The following METAP1 variants were observed in gnomAD, a reference collection of about 807,000 sequenced individuals.
The protein encoded by METAP1 is methionyl aminopeptidase 1.
A neutral mutation model predicts 53.8 loss-of-function variants in METAP1; 28 were observed. The observed-to-expected ratio is 0.52, with a 90% CI of 0.39 to 0.71. The LOEUF is 0.71. Ranked by LOEUF, METAP1 falls within the 30% of genes least tolerant of loss-of-function variation. METAP1 has a pLI of 0.00. For synonymous variants in METAP1, 181 were observed against 165.7 expected (o/e 1.09, Z -0.71); for missense variants, 389 against 479.8 (o/e 0.81, Z 1.77).
At chr4:98,995,898 C>T (rs1250183980) in intron 1 of METAP1, 31 bp downstream of exon 1, 5 of 1,495,152 alleles carry the variant, frequency 3.3e-6, no homozygotes, top group East Asian at 2.5e-5. Flanking sequence ...GGATATGCCG[C>T]CGCTGCGGGA....
At chr4:99,045,795 T>C (rs1464801784) in intron 8 of METAP1, among the ~76,000 whole-genome samples, 1 of 152,214 alleles carries the variant, frequency 6.6e-6, no homozygotes, top group Admixed American at 6.5e-5. Context: ...CACGTATGTG[T>C]ATGTGTTAAA....
intron 7 of METAP1, among the ~76,000 whole-genome samples, chr4:99,044,656 G>T (rs2110381559): frequency 6.6e-6 from 1 of 151,656 alleles, no homozygotes; most frequent in East Asian, 1.9e-4. Flanking sequence ...ATAATATATA[G>T]TATAATAGTA....
intron 1 of METAP1, among the ~76,000 whole-genome samples, chr4:99,006,752 T>C (rs1183153862): frequency 6.6e-6 from 1 of 152,170 alleles, no homozygotes; most frequent in Admixed American, 6.5e-5. Flanking sequence ...AGCTCACATA[T>C]AGCATTTGGC....
At chr4:99,058,865 A>G (rs1727334820) in intron 10 of METAP1, among the ~76,000 whole-genome samples, 2 of 152,214 alleles carry the variant, frequency 1.3e-5, no homozygotes, top group East Asian at 1.9e-4. Context: ...TAGAATCTCT[A>G]TCTTGCCAAC....
At chr4:99,032,002 C>A (rs1247281781) in intron 2 of METAP1, among the ~76,000 whole-genome samples, 1 of 152,174 alleles carries the variant, frequency 6.6e-6, no homozygotes, top group Non-Finnish European at 1.5e-5. Flanking sequence ...CTACCATCAT[C>A]AGCTCAATTC....
At chr4:99,046,212 G>A (rs1384527602) in intron 8 of METAP1, among the ~76,000 whole-genome samples, 6 of 152,002 alleles carry the variant, frequency 3.9e-5, no homozygotes, top group African/African-American at 1.4e-4. Flanking sequence ...TCAAGAGTTC[G>A]AGACCAGCCC....
At chr4:99,029,286 G>C (rs1014081636) in intron 2 of METAP1, among the ~76,000 whole-genome samples, 1 of 151,958 alleles carries the variant, frequency 6.6e-6, no homozygotes, top group Admixed American at 6.6e-5. Context: ...ATTCCTTTTG[G>C]TTTCTTTTAG....
chr4:99,048,155 TG>T (rs1726408948), intron 8 of METAP1, among the ~76,000 whole-genome samples: 1 of 152,192 alleles, frequency 6.6e-6, no homozygotes, highest in Non-Finnish European at 1.5e-5. Flanking sequence ...TTTTCTCTGT[TG>T]TTAAAGAAAG....
intron 9 of METAP1, among the ~76,000 whole-genome samples, chr4:99,050,321 A>G (rs1449934802): frequency 6.6e-6 from 1 of 152,226 alleles, no homozygotes; most frequent in Non-Finnish European, 1.5e-5. Context: ...ATTTTTGGGC[A>G]GAAGAATGGC....
At chr4:99,042,748 G>T (rs1296699209) in intron 6 of METAP1, among the ~76,000 whole-genome samples, 1 of 151,952 alleles carries the variant, frequency 6.6e-6, no homozygotes, top group African/African-American at 2.4e-5. Context: ...ATCTTCATAT[G>T]TGGTAATATT....
chr4:99,007,600 C>G (rs181062535), intron 1 of METAP1, among the ~76,000 whole-genome samples: 4 of 151,556 alleles, frequency 2.6e-5, no homozygotes, highest in African/African-American at 9.7e-5. Flanking sequence ...TTTCCCTCAT[C>G]AACTGGTAAA....
At chr4:99,021,040 C>T (rs1724076597) in intron 1 of METAP1, among the ~76,000 whole-genome samples, 1 of 152,168 alleles carries the variant, frequency 6.6e-6, no homozygotes, top group Non-Finnish European at 1.5e-5. Flanking sequence ...TCCTCCAGCT[C>T]AGGGATATCT....
At position 98,995,971 on chromosome 4, in the gene METAP1, C is replaced by T. The variant is rs533572332; in HGVS notation, c.114+104C>T. 1.5e-3 allele frequency: 1,365 copies of T among 889,022 alleles called. 3 individuals carry two copies. Among genetic ancestry groups the T allele is most frequent in the Non-Finnish European group, 2.2e-3 (1,255 of 567,256 alleles). 55.1% of individuals were successfully genotyped at this position (889,022 alleles called of 1,614,324 possible). On this transcript the variant is annotated intron_variant, in intron 1 of 10. Transcript: ENST00000296411. ...TTGCGGCGAGTCGGGACGCGCTCCT[C>T]CTCTTCCCCCCGGCCGCGTTTCCTC...
At chr4:99,055,615 A>G (rs1727054513) in intron 9 of METAP1, among the ~76,000 whole-genome samples, 1 of 152,224 alleles carries the variant, frequency 6.6e-6, no homozygotes, top group African/African-American at 2.4e-5. Context: ...TGAAACTTTA[A>G]TCAGTGTAAA....
intron 1 of METAP1, among the ~76,000 whole-genome samples, chr4:99,025,649 A>G (rs1003224237): frequency 2.0e-5 from 3 of 152,204 alleles, no homozygotes; most frequent in South Asian, 2.1e-4. Context: ...GCCCCCAGCA[A>G]CCATCTGAAT....
intron 1 of METAP1, 137 bp downstream of exon 1, chr4:98,996,004 C>G (rs987884192): frequency 5.6e-6 from 4 of 710,836 alleles, no homozygotes; most frequent in Admixed American, 2.4e-5. Flanking sequence ...CTCCTCCCCC[C>G]ACCCGCGTCG....
rs530454975 is a variant in METAP1, at chr4:99,018,860, C to T, written c.115-10007C>T. Among the ~76,000 whole-genome samples the T allele has an allele frequency of 1.9e-4, 29 of 152,244 alleles. No individual in the cohort carries two copies. The East Asian group carries it at 2.9e-3, about 15-fold the overall frequency. On this transcript the variant is annotated intron_variant, in intron 1 of 10. Coordinates refer to ENST00000296411, the MANE Select transcript of METAP1 (RefSeq NM_015143.3). The stretch of plus-strand genomic sequence containing the variant: ...CAGGGAGATCGGGTATTACTTTCTC[C>T]GGGCTACTCCCCCTTGGAACCTTTA...
chr4:99,036,172 G>A (rs1262604796), intron 4 of METAP1: 3 of 153,804 alleles, frequency 2.0e-5, no homozygotes, highest in Non-Finnish European at 2.9e-5. Flanking sequence ...GCATGTCAAA[G>A]AAGGTCGACT....
At chr4:99,006,491 G>C (rs765152892) in intron 1 of METAP1, among the ~76,000 whole-genome samples, 3 of 152,050 alleles carry the variant, frequency 2.0e-5, no homozygotes, top group Non-Finnish European at 4.4e-5. Flanking sequence ...ATGTGTATTT[G>C]TTGAAATATT....
Sources: allele counts gnomAD v4.1 joint callset (sites outside exome capture counted in the v4.1 genomes callset), GRCh38; gene constraint gnomAD v4.1.1; transcripts MANE v1.5; gene names NCBI Gene and HGNC (gene_info 2026-07-23, HGNC 2026-07-21).